The following PTPRR variants were observed in gnomAD, a reference collection of about 807,000 sequenced individuals.
PTPRR encodes protein tyrosine phosphatase receptor type R, also known as receptor-type tyrosine-protein phosphatase R.
In PTPRR, 38 loss-of-function variants were observed where a neutral mutation model predicts 77.2. That is an observed-to-expected ratio of 0.49 (90% confidence interval 0.38 to 0.65). PTPRR has a LOEUF of 0.65. Ranked by LOEUF, PTPRR falls within the 30% of genes least tolerant of loss-of-function variation. The pLI is 0.00. For synonymous variants in PTPRR, 299 were observed against 283.1 expected (o/e 1.06, Z -0.57); for missense variants, 744 against 799.2 (o/e 0.93, Z 0.83).
rs1128407 is a variant in PTPRR, at chr12:70,673,022, G to T, written c.1498-10417C>A. On this transcript the variant is annotated intron_variant, in intron 10 of 13. Transcript: ENST00000283228. ...TAGAGCTCTCTTCAATAAATACGTCGGGCCAAAGCAAAAAAAAAAAAAAAA... is the reference window on the plus strand; with the variant it reads ...TAGAGCTCTCTTCAATAAATACGTCTGGCCAAAGCAAAAAAAAAAAAAAAA... The T allele has an allele frequency of 1.1e-5, 13 of 1,174,596 alleles. No individual in the cohort carries two copies. The African/African-American group carries it at 2.4e-4, about 22-fold the overall frequency. The allele number at this position is 1,174,596 out of a possible 1,614,324, so 72.8% of individuals were successfully genotyped here. A position where few individuals can be genotyped will look rare whatever the true frequency, so the allele number is the denominator to read the frequency against.
At chr12:70,842,377 T>C in intron 2 of PTPRR, among the ~76,000 whole-genome samples, 1 of 152,226 alleles carries the variant, frequency 6.6e-6, no homozygotes, top group South Asian at 2.1e-4. Context: ...CATTTATTTA[T>C]GACATGCATG....
intron 2 of PTPRR, among the ~76,000 whole-genome samples, chr12:70,790,525 CTCT>C (rs139990160): frequency 8.5e-4 from 129 of 152,194 alleles, no homozygotes; most frequent in East Asian, 6.0e-3. Context: ...AATTCTTAGT[CTCT>C]TCTTTTCCTC....
intron 1 of PTPRR, among the ~76,000 whole-genome samples, chr12:70,913,352 A>G (rs919830569): frequency 2.6e-5 from 4 of 152,134 alleles, no homozygotes; most frequent in African/African-American, 9.7e-5. Flanking sequence ...GGAGGGTTGA[A>G]TAATTTTTGG....
intron 10 of PTPRR, among the ~76,000 whole-genome samples, chr12:70,667,811 C>T (rs1390974342): frequency 6.6e-6 from 1 of 151,912 alleles, no homozygotes; most frequent in Non-Finnish European, 1.5e-5. Flanking sequence ...CTAGGTTGGA[C>T]TCCCACAATA....
At chr12:70,897,538 C>T (rs1022517473) in intron 1 of PTPRR, among the ~76,000 whole-genome samples, 36 of 151,798 alleles carry the variant, frequency 2.4e-4, no homozygotes, top group African/African-American at 8.7e-4. Context: ...GAAATAGGAA[C>T]ACTTTTACAC....
chr12:70,874,748 C>A (rs1441290847), intron 2 of PTPRR, among the ~76,000 whole-genome samples: 2 of 151,762 alleles, frequency 1.3e-5, no homozygotes, highest in Non-Finnish European at 2.9e-5. Context: ...ATGGTGAAAC[C>A]CTGTCTCCAC....
At chr12:70,871,839 CT>C (rs1892963753) in intron 2 of PTPRR, among the ~76,000 whole-genome samples, 2 of 152,056 alleles carry the variant, frequency 1.3e-5, no homozygotes, top group East Asian at 3.9e-4. Context: ...TGACAAACTG[CT>C]TGAGTATATA....
chr12:70,920,329 T>C lies in PTPRR; in HGVS notation c.58+4A>G, dbSNP rs1431550326. On this transcript the variant is annotated splice_donor_region_variant and intron_variant, in intron 1 of 13. Transcript: ENST00000283228. ...CTCCGGCTCTAAGCCTGGCAACCCC[T>C]TACCTGCAGCGTGAAGATTAAGGAG... The C allele has an allele frequency of 6.2e-7, 1 of 1,613,226 alleles. No homozygotes were observed. Among genetic ancestry groups the C allele is most frequent in the Non-Finnish European group, 8.5e-7 (1 of 1,179,468 alleles).
chr12:70,739,921 A>C (rs1889991502), intron 6 of PTPRR, among the ~76,000 whole-genome samples: 1 of 152,128 alleles, frequency 6.6e-6, no homozygotes, highest in Admixed American at 6.5e-5. Context: ...ATGGAATAGA[A>C]GGTTTATTTT....
intron 2 of PTPRR, among the ~76,000 whole-genome samples, chr12:70,787,382 G>A (rs147963616): frequency 3.5e-4 from 53 of 152,190 alleles, no homozygotes; most frequent in Admixed American, 6.5e-4. Flanking sequence ...TGAGTAATTC[G>A]CAATAGCAAT....
At chr12:70,840,452 T>C (rs1277991340) in intron 2 of PTPRR, among the ~76,000 whole-genome samples, 1 of 152,176 alleles carries the variant, frequency 6.6e-6, no homozygotes, top group Non-Finnish European at 1.5e-5. Flanking sequence ...TCCTTTGCCA[T>C]GTAAAGCAAC....
chr12:70,910,634 TTATAA>T (rs1015957756), intron 1 of PTPRR, among the ~76,000 whole-genome samples: 8 of 152,182 alleles, frequency 5.3e-5, no homozygotes, highest in African/African-American at 1.9e-4. Flanking sequence ...ATGATAAAAT[TTATAA>T]TTTAAGCCCT....
At chr12:70,836,643 A>C (rs899864366) in intron 2 of PTPRR, among the ~76,000 whole-genome samples, 2 of 151,958 alleles carry the variant, frequency 1.3e-5, no homozygotes, top group Non-Finnish European at 2.9e-5. Flanking sequence ...TTGCTGCCTC[A>C]GGACCTTGGT....
chr12:70,646,573 C>T (rs755528280), intron 13 of PTPRR, among the ~76,000 whole-genome samples: 2 of 152,122 alleles, frequency 1.3e-5, no homozygotes, highest in Non-Finnish European at 2.9e-5. Flanking sequence ...TTGGAAGATT[C>T]AGTCAGCATA....
Position 70,731,941 on chromosome 12 carries a change from A to C in PTPRR, c.1007+13877T>G, listed in dbSNP as rs780463533. On this transcript the variant is annotated intron_variant, in intron 6 of 13. Transcript: ENST00000283228. Reference sequence around the variant, plus strand: ...GTAATTTAGGATGGTTTATTCCTAGATTCTGTATTTTTCTATGTATCGGAT... The same window carrying C: ...GTAATTTAGGATGGTTTATTCCTAGCTTCTGTATTTTTCTATGTATCGGAT... Among the ~76,000 whole-genome samples, 7 of 152,214 alleles carry C rather than the reference A, an allele frequency of 4.6e-5. No homozygotes were observed. In the East Asian group the frequency reaches 1.3e-3, roughly 29 times the overall value.
intron 2 of PTPRR, among the ~76,000 whole-genome samples, chr12:70,879,629 T>C (rs1015044729): frequency 1.3e-5 from 2 of 152,152 alleles, no homozygotes; most frequent in Non-Finnish European, 1.5e-5. Context: ...ATTATGTATA[T>C]TGTAATTCTA....
intron 2 of PTPRR, among the ~76,000 whole-genome samples, chr12:70,872,505 C>A (rs960326976): frequency 2.0e-5 from 3 of 151,672 alleles, no homozygotes; most frequent in Admixed American, 6.6e-5. Context: ...ACCATCCTGG[C>A]TAACATGATG....
In PTPRR at chr12:70,665,364, C is replaced by CTTTTTTTTTTT. The variant is rs72472808; in HGVS notation, c.1498-2770_1498-2760dup. Reference sequence around the variant, plus strand: ...GATGTAACACAAAGCAATGCAAATTCTTTTTTTTTTTTTTTTTTTTTTTTT... The same window carrying CTTTTTTTTTTT: ...GATGTAACACAAAGCAATGCAAATTCTTTTTTTTTTTTTTTTTTTTTTTTTTTTTTTTTTTT... On this transcript the variant is annotated intron_variant, in intron 10 of 13. Coordinates refer to ENST00000283228, the MANE Select transcript of PTPRR (RefSeq NM_002849.4). Among the ~76,000 whole-genome samples the CTTTTTTTTTTT allele has an allele frequency of 7.4e-4, 33 of 44,604 alleles. 3 individuals carry two copies. Among genetic ancestry groups the CTTTTTTTTTTT allele is most frequent in the Non-Finnish European group, 1.1e-3 (25 of 22,416 alleles). 29.3% of individuals were successfully genotyped at this position (44,604 alleles called of 152,430 possible). A position where few individuals can be genotyped will look rare whatever the true frequency, so the allele number is the denominator to read the frequency against.
chr12:70,888,663 G>C (rs1482911254), intron 2 of PTPRR, among the ~76,000 whole-genome samples: 1 of 151,926 alleles, frequency 6.6e-6, no homozygotes, highest in Non-Finnish European at 1.5e-5. Context: ...ATATTATTTT[G>C]ATCCCATATA....
Sources: gnomAD v4.1 joint callset for allele counts (sites outside exome capture counted in the v4.1 genomes callset) on GRCh38, gnomAD v4.1.1 for gene constraint, MANE v1.5 for transcripts, NCBI Gene and HGNC (gene_info 2026-07-23, HGNC 2026-07-21) for gene names.